ACTN2: variants seen among roughly 807,000 people sequenced by gnomAD.
ACTN2 encodes actinin alpha 2.
Under a neutral mutation model 113.8 loss-of-function variants are expected in ACTN2, and 39 were observed. The observed-to-expected ratio is 0.34, with a 90% CI of 0.27 to 0.45. The LOEUF (loss-of-function observed/expected upper bound fraction) is 0.45, where lower values mean the gene tolerates loss of function less well. ACTN2 is among the 20% of genes least tolerant of loss of function. ACTN2 has a pLI of 1.00. For missense variants in ACTN2, 992 were observed against 1,177.9 expected (o/e 0.84, Z 2.31); for synonymous variants, 429 against 444.1 (o/e 0.97, Z 0.43).
intron 1 of ACTN2, among the ~76,000 whole-genome samples, chr1:236,710,584 C>T (rs770276057): frequency 2.6e-5 from 4 of 152,182 alleles, no homozygotes; most frequent in South Asian, 2.1e-4. Context: ...GAACATCCTC[C>T]GGGTCTCCAG....
chr1:236,735,540 G>A, intron 7 of ACTN2, 95 bp from the exon 8 acceptor site: 1 of 1,162,332 alleles, frequency 8.6e-7, no homozygotes, highest in Non-Finnish European at 1.3e-6. Context: ...AAACCAATTT[G>A]TTCTTCCCTC....
intron 7 of ACTN2, among the ~76,000 whole-genome samples, chr1:236,733,512 C>T (rs931398826): frequency 1.3e-5 from 2 of 152,202 alleles, no homozygotes; most frequent in African/African-American, 4.8e-5. Context: ...TTTTCTTCGT[C>T]TTTCCCTTTT....
At chr1:236,706,671 G>T (rs991785603) in intron 1 of ACTN2, among the ~76,000 whole-genome samples, 1 of 152,110 alleles carries the variant, frequency 6.6e-6, no homozygotes, top group African/African-American at 2.4e-5. Context: ...TGGAACTCAA[G>T]CTATTATTTT....
chr1:236,755,845 C>T (rs879200552), intron 17 of ACTN2, among the ~76,000 whole-genome samples: 4 of 36,186 alleles, frequency 1.1e-4, no homozygotes, highest in East Asian at 1.1e-3. Context: ...GCAGAGTGCC[C>T]GCTGCCACTG....
intron 5 of ACTN2, among the ~76,000 whole-genome samples, chr1:236,727,386 G>A (rs1572121465): frequency 6.6e-6 from 1 of 152,108 alleles, no homozygotes; most frequent in Non-Finnish European, 1.5e-5. Context: ...GGCCGAGCAG[G>A]GACAGCAGTA....
rs7522310 is a variant in ACTN2 at position 236,763,367 on chromosome 1, A to G, written c.*748A>G. ...AGAGAGAAGGATGCAATCACTAGGT[A>G]AAATGAGGTTTTTAGGATTATTTAT... is the stretch of plus-strand genomic sequence containing the variant. On this transcript the variant is annotated 3_prime_UTR_variant, in exon 21 of 21. Coordinates refer to ENST00000366578, the MANE Select transcript of ACTN2 (RefSeq NM_001103.4). The G allele has an allele frequency of 0.5, 76,390 of 152,564 alleles. 23,516 individuals are homozygous for G. Among genetic ancestry groups the G allele is most frequent in the Non-Finnish European group, 0.68 (46,575 of 68,362 alleles). 9.5% of individuals were successfully genotyped at this position (152,564 alleles called of 1,614,324 possible). A position where few individuals can be genotyped will look rare whatever the true frequency, so the allele number is the denominator to read the frequency against.
chr1:236,694,488 G>T (rs1451274150), intron 1 of ACTN2, among the ~76,000 whole-genome samples: 1 of 152,020 alleles, frequency 6.6e-6, no homozygotes, highest in Non-Finnish European at 1.5e-5. Flanking sequence ...CTCACAAAGT[G>T]CTGGGATTAC....
At chr1:236,695,857 A>G (rs189775495) in intron 1 of ACTN2, among the ~76,000 whole-genome samples, 6 of 152,286 alleles carry the variant, frequency 3.9e-5, no homozygotes, top group Admixed American at 2.0e-4. Context: ...CTAGGGGGTA[A>G]ATGTGTTGGT....
chr1:236,725,877 C>A, intron 4 of ACTN2, 56 bp from the exon 5 acceptor site: 1 of 1,507,382 alleles, frequency 6.6e-7, no homozygotes, highest in Non-Finnish European at 9.2e-7. Flanking sequence ...TGACTAGGAG[C>A]TAAGTGAACT....
chr1:236,700,509 G>A (rs1003279626), intron 1 of ACTN2, among the ~76,000 whole-genome samples: 12 of 152,208 alleles, frequency 7.9e-5, no homozygotes, highest in Non-Finnish European at 1.8e-4. Flanking sequence ...CATTTACTGT[G>A]TGTGAGGCAC....
At chr1:236,745,444 A>G (rs1659204426) in intron 12 of ACTN2, among the ~76,000 whole-genome samples, 2 of 152,200 alleles carry the variant, frequency 1.3e-5, no homozygotes, top group Admixed American at 1.3e-4. Context: ...AAAAAAACAA[A>G]AAACAAAACA....
At chr1:236,719,719 A>G (rs1374974248) in intron 3 of ACTN2, among the ~76,000 whole-genome samples, 1 of 151,490 alleles carries the variant, frequency 6.6e-6, no homozygotes, top group Non-Finnish European at 1.5e-5. Flanking sequence ...GAATTGCTTG[A>G]TCCCAGGAGG....
chr1:236,754,318 G>C lies in ACTN2; in HGVS notation c.1974+237G>C, dbSNP rs1572145759. On this transcript the variant is annotated intron_variant, in intron 16 of 20. Transcript: ENST00000366578. This position sits in a 1 kb window ranked among gnomAD's most constrained non-coding sequence, Gnocchi z 4.9. ...ACTCAAGGAAGGGGAGGGGGGTCTT[G>C]CTGGGTTCTGTTTATTTTCTCACTA... is the stretch of plus-strand genomic sequence containing the variant. 2.0e-5 allele frequency among the ~76,000 whole-genome samples: 3 copies of C among 152,224 alleles called. No homozygotes were observed. The South Asian group carries it at 6.2e-4, about 32-fold the overall frequency.
At chr1:236,707,345 A>G (rs1314805713) in intron 1 of ACTN2, among the ~76,000 whole-genome samples, 1 of 152,246 alleles carries the variant, frequency 6.6e-6, no homozygotes, top group Admixed American at 6.5e-5. Context: ...TTCTGCAGCA[A>G]TATTCCATGA....
intron 1 of ACTN2, among the ~76,000 whole-genome samples, chr1:236,693,854 G>A (rs1046799751): frequency 6.6e-6 from 1 of 152,122 alleles, no homozygotes; most frequent in Admixed American, 6.5e-5. Flanking sequence ...GTGGTTCTTG[G>A]TTGCCTTCAG....
intron 1 of ACTN2, among the ~76,000 whole-genome samples, chr1:236,715,775 G>T (rs1281597986): frequency 6.6e-6 from 1 of 152,042 alleles, no homozygotes; most frequent in Non-Finnish European, 1.5e-5. Flanking sequence ...GGCCAACATG[G>T]CAAAACCCCG....
intron 4 of ACTN2, 101 bp from the exon 5 acceptor site, chr1:236,725,832 G>A: frequency 9.9e-7 from 1 of 1,012,772 alleles, no homozygotes; most frequent in Non-Finnish European, 1.6e-6. Context: ...GAGACCCCCT[G>A]GGTGATCGAC....
intron 1 of ACTN2, among the ~76,000 whole-genome samples, chr1:236,704,348 G>A (rs987294214): frequency 8.5e-5 from 13 of 152,176 alleles, no homozygotes; most frequent in African/African-American, 2.9e-4. Flanking sequence ...CCCACTTTCC[G>A]CCACCCTGTA....
Position 236,687,909 on chromosome 1 carries a change from C to T in ACTN2, c.126+1110C>T, listed in dbSNP as rs551203841. Among the ~76,000 whole-genome samples, 3 of 152,350 alleles carry T rather than the reference C, an allele frequency of 2.0e-5. No homozygotes were observed. The South Asian group carries it at 6.2e-4, about 32-fold the overall frequency. On this transcript the variant is annotated intron_variant, in intron 1 of 20. Coordinates refer to ENST00000366578, the MANE Select transcript of ACTN2 (RefSeq NM_001103.4). ...AGGATGTCTCTTGTCTACCCTCTCT[C>T]CTAAAATACCATTTACTATTATTAT...
Sources: gnomAD v4.1 joint callset for allele counts (sites outside exome capture counted in the v4.1 genomes callset) on GRCh38, gnomAD v4.1.1 for gene constraint, Gnocchi (gnomAD v3.1) non-coding constraint, MANE v1.5 for transcripts, NCBI Gene and HGNC (gene_info 2026-07-23, HGNC 2026-07-21) for gene names.